Variants in EMB observed in about 807,000 individuals in gnomAD.
EMB encodes the protein embigin homolog.
Under a neutral mutation model 41.4 loss-of-function variants are expected in EMB, and 31 were observed. The ratio of observed to expected loss-of-function variants is 0.75; its 90% CI spans 0.56 to 1.01. The LOEUF is 1.01. Among genes scored for constraint, EMB ranks in the 50% least tolerant of loss-of-function variants. The pLI is 0.00. For synonymous variants in EMB, 137 were observed against 140.4 expected (o/e 0.98, Z 0.17); for missense variants, 379 against 388.3 (o/e 0.98, Z 0.20).
chr5:50,429,902 C>T (rs1464466955), intron 1 of EMB, among the ~76,000 whole-genome samples: 1 of 151,782 alleles, frequency 6.6e-6, no homozygotes, highest in Non-Finnish European at 1.5e-5. Flanking sequence ...CCTCCCATCA[C>T]CCTCCTTCTC....
rs374865951 is a variant in EMB at position 50,410,873 on chromosome 5, T to C, written c.472+4A>G. On this transcript the variant is annotated splice_donor_region_variant and intron_variant, in intron 4 of 8. Transcript: ENST00000303221. ...TAACTATTCCTCAAGTTATTAATAC[T>C]GACCTTTGAAATTAAATGTTCCCCT... 2.1e-5 allele frequency: 33 copies of C among 1,564,930 alleles called. No homozygotes were observed. Among genetic ancestry groups the C allele is most frequent in the Non-Finnish European group, 2.9e-5 (33 of 1,147,518 alleles).
intron 1 of EMB, among the ~76,000 whole-genome samples, chr5:50,429,052 C>T (rs1482561863): frequency 4.6e-5 from 7 of 152,016 alleles, no homozygotes; most frequent in Admixed American, 1.3e-4. Flanking sequence ...CCCGCCACCA[C>T]GCCCAGCTAA....
intron 1 of EMB, 43 bp downstream of exon 1, chr5:50,440,997 G>A (rs1745899365): frequency 1.6e-6 from 2 of 1,266,844 alleles, no homozygotes; most frequent in Non-Finnish European, 2.0e-6. Flanking sequence ...CGAGCCTCGC[G>A]CGCCCTCCGC....
chr5:50,437,976 T>C lies in EMB; in HGVS notation c.112+3064A>G, dbSNP rs141556895. On this transcript the variant is annotated intron_variant, in intron 1 of 8. Coordinates refer to ENST00000303221, the MANE Select transcript of EMB (RefSeq NM_198449.3). ...ATATGTCTTATTTAATCAAAAAACC[T>C]TAAAACAGTCCCTGTACCTAATTTT... 1.2e-3 allele frequency among the ~76,000 whole-genome samples: 179 copies of C among 152,300 alleles called. 1 individual carries two copies. Among genetic ancestry groups the C allele is most frequent in the African/African-American group, 4.0e-3 (167 of 41,554 alleles).
chr5:50,405,950 A>G, intron 4 of EMB, 98 bp from the exon 5 acceptor site: 1 of 1,439,782 alleles, frequency 6.9e-7, no homozygotes. Context: ...TTTTCATTAC[A>G]TTATTTTAAG....
At chr5:50,438,113 G>A (rs556408528) in intron 1 of EMB, among the ~76,000 whole-genome samples, 168 of 152,204 alleles carry the variant, frequency 1.1e-3, no homozygotes, top group African/African-American at 3.9e-3. Flanking sequence ...CAATTAGCTC[G>A]GAGAGACAAC....
At chr5:50,421,090 A>T (rs1410822811) in intron 2 of EMB, among the ~76,000 whole-genome samples, 1 of 152,212 alleles carries the variant, frequency 6.6e-6, no homozygotes, top group Admixed American at 6.5e-5. Flanking sequence ...ATAAAATGAG[A>T]TCTAAATCAC....
chr5:50,437,814 A>G (rs2111874670), intron 1 of EMB, among the ~76,000 whole-genome samples: 1 of 152,326 alleles, frequency 6.6e-6, no homozygotes, highest in Non-Finnish European at 1.5e-5. Flanking sequence ...GGAAGTTAAA[A>G]GGATCATTTT....
At chr5:50,417,795 GAAA>G (rs1745454421) in intron 2 of EMB, among the ~76,000 whole-genome samples, 1 of 152,136 alleles carries the variant, frequency 6.6e-6, no homozygotes, top group African/African-American at 2.4e-5. Context: ...AAAAGAAAGA[GAAA>G]TACCAGAAAA....
chr5:50,429,192 C>T (rs561258984), intron 1 of EMB, among the ~76,000 whole-genome samples: 108 of 152,346 alleles, frequency 7.1e-4, no homozygotes, highest in Admixed American at 9.8e-4. Context: ...CCACACCTGG[C>T]CAACAACATG....
intron 1 of EMB, among the ~76,000 whole-genome samples, chr5:50,429,945 CCT>C (rs1165971361): frequency 1.1e-4 from 16 of 150,282 alleles, no homozygotes; most frequent in African/African-American, 3.9e-4. Context: ...CTTCCTCTTC[CCT>C]CTCACCCTCC....
chr5:50,424,003 T>C (rs558464176), intron 2 of EMB, among the ~76,000 whole-genome samples: 2 of 152,278 alleles, frequency 1.3e-5, no homozygotes, highest in South Asian at 2.1e-4. Flanking sequence ...CTAGGAAGGA[T>C]AGTTTTCTTC....
At position 50,441,268 on chromosome 5, in the gene EMB, G is replaced by T; in HGVS notation, c.-117C>A. The stretch of plus-strand genomic sequence containing the variant: ...GCCCGGCGCTCGCAGCCAGTGCCGC[G>T]GGTAGGACGCTGAAGAAAAGGCGGA... On this transcript the variant is annotated 5_prime_UTR_variant, in exon 1 of 9. Transcript: ENST00000303221. 3.8e-6 allele frequency: 2 copies of T among 528,952 alleles called. No homozygotes were observed. The highest frequency in any genetic ancestry group is 5.8e-6 in the Non-Finnish European group (2 of 342,140). The allele number at this position is 528,952 out of a possible 1,614,324, so 32.8% of individuals were successfully genotyped here. A position where few individuals can be genotyped will look rare whatever the true frequency, so the allele number is the denominator to read the frequency against.
In EMB at chr5:50,397,324, C is replaced by T. The variant is rs1745085560; in HGVS notation, c.*1949G>A. 1 of 152,046 alleles carries T rather than the reference C, an allele frequency of 6.6e-6. No homozygotes were observed. The highest frequency in any genetic ancestry group is 1.5e-5 in the Non-Finnish European group (1 of 67,994). 9.4% of individuals were successfully genotyped at this position (152,046 alleles called of 1,614,324 possible). The stretch of plus-strand genomic sequence containing the variant: ...AAAAGTCAACTTTAATTTTTGAGTA[C>T]TTTTCCTATTTAAGGTTACTGAGAT... On this transcript the variant is annotated 3_prime_UTR_variant, in exon 9 of 9. Transcript: ENST00000303221.
intron 2 of EMB, among the ~76,000 whole-genome samples, chr5:50,419,548 T>TACACACACACACACACAC (rs58712109): frequency 1.4e-5 from 2 of 147,104 alleles, no homozygotes; most frequent in Admixed American, 6.8e-5. Flanking sequence ...CACACACACA[T>TACACACACACACACACAC]ACACACACAC....
At chr5:50,418,994 T>C (rs886593096) in intron 2 of EMB, among the ~76,000 whole-genome samples, 2 of 152,176 alleles carry the variant, frequency 1.3e-5, no homozygotes, top group East Asian at 1.9e-4. Flanking sequence ...CTCACAAATA[T>C]CTAGAACATA....
At chr5:50,436,823 G>A (rs1473084467) in intron 1 of EMB, among the ~76,000 whole-genome samples, 6 of 152,186 alleles carry the variant, frequency 3.9e-5, no homozygotes, top group Non-Finnish European at 8.8e-5. Flanking sequence ...ACCTATGGAG[G>A]GAAAGATGAG....
chr5:50,405,526 A>G (rs977642482), intron 5 of EMB, among the ~76,000 whole-genome samples, 199 bp downstream of exon 5: 4 of 151,972 alleles, frequency 2.6e-5, no homozygotes, highest in Admixed American at 6.6e-5. Flanking sequence ...GTATCTTCAT[A>G]TGTATAACGT....
intron 2 of EMB, among the ~76,000 whole-genome samples, chr5:50,418,510 G>A (rs1745465095): frequency 6.6e-6 from 1 of 152,206 alleles, no homozygotes; most frequent in African/African-American, 2.4e-5. Flanking sequence ...GACCTAGGCA[G>A]AACTGAAAAT....
Sources: allele counts gnomAD v4.1 joint callset (sites outside exome capture counted in the v4.1 genomes callset), GRCh38; gene constraint gnomAD v4.1.1; transcripts MANE v1.5; gene names NCBI Gene and HGNC (gene_info 2026-07-23, HGNC 2026-07-21).